The following DARS2 variants were observed in gnomAD, a reference collection of about 807,000 sequenced individuals.
DARS2 encodes aspartyl-tRNA synthetase 2, mitochondrial, also known as aspartate--tRNA ligase, mitochondrial.
A neutral mutation model predicts 83.0 loss-of-function variants in DARS2; 63 were observed. That is an observed-to-expected ratio of 0.76 (90% CI 0.62 to 0.94). The LOEUF (loss-of-function observed/expected upper bound fraction) is 0.94, where lower values mean the gene tolerates loss of function less well. Ranked by LOEUF, DARS2 falls within the 40% of genes least tolerant of loss-of-function variation. The pLI, the probability that DARS2 is intolerant of heterozygous loss-of-function variation, is 0.00. For missense variants in DARS2, 675 were observed against 774.4 expected (o/e 0.87, Z 1.52); for synonymous variants, 250 against 269.3 (o/e 0.93, Z 0.70).
At chr1:173,827,880 A>G (rs1652643602) in intron 2 of DARS2, among the ~76,000 whole-genome samples, 1 of 152,220 alleles carries the variant, frequency 6.6e-6, no homozygotes, top group Non-Finnish European at 1.5e-5. Context: ...GAAAAAGACT[A>G]TATTGCTATA....
chr1:173,857,780 A>G lies in DARS2; in HGVS notation c.*75A>G. On this transcript the variant is annotated 3_prime_UTR_variant, in exon 17 of 17. Transcript: ENST00000649689. ...CTTCCCCAAGGCTAAAGTCAGATCT[A>G]GAGTTCTGCCACAGGTCTAACAATC... is the stretch of plus-strand genomic sequence containing the variant. The G allele has an allele frequency of 1.3e-6, 2 of 1,504,496 alleles. No individual in the cohort carries two copies. The allele number at this position is 1,504,496 out of a possible 1,614,324, so 93.2% of individuals were successfully genotyped here. A position where few individuals can be genotyped will look rare whatever the true frequency, so the allele number is the denominator to read the frequency against.
chr1:173,848,496 A>C (rs1343394098), intron 12 of DARS2, among the ~76,000 whole-genome samples: 1 of 152,250 alleles, frequency 6.6e-6, no homozygotes, highest in Non-Finnish European at 1.5e-5. Flanking sequence ...GTACAACTAA[A>C]GGGCTGAACT....
Position 173,825,218 on chromosome 1 carries a change from T to C in DARS2, c.-12T>C. The C allele has an allele frequency of 6.2e-7, 1 of 1,610,796 alleles. No individual in the cohort carries two copies. Among genetic ancestry groups the C allele is most frequent in the South Asian group, 1.1e-5 (1 of 91,056 alleles). On this transcript the variant is annotated 5_prime_UTR_variant, in exon 1 of 17. Transcript: ENST00000649689. The stretch of plus-strand genomic sequence containing the variant: ...ATTTCGTGATTGTTTTTCGCCATCG[T>C]GTGGCTCCAACATGTACTTCCCTTC...
Position 173,850,470 on chromosome 1 carries a change from CAATAAAGCAGTAAGA to C in DARS2, c.1338_1344+8del, listed in dbSNP as rs1296878813. 1 of 1,613,710 alleles carries C rather than the reference CAATAAAGCAGTAAGA, an allele frequency of 6.2e-7. No homozygotes were observed. Among genetic ancestry groups the C allele is most frequent in the Non-Finnish European group, 8.5e-7 (1 of 1,179,808 alleles). On this transcript the variant is annotated splice_donor_variant and splice_donor_5th_base_variant and coding_sequence_variant and intron_variant, in exon 13 of 17. Transcript: ENST00000649689. LOFTEE classifies it high-confidence loss of function. ...TGGTCCTACTAACTGCTGGAGAGCA[CAATAAAGCAGTAAGA>C]AAAATTACTTCCAAGCATCAGTGCT...
intron 13 of DARS2, 61 bp from the exon 14 acceptor site, chr1:173,853,286 CTG>C (rs1032828253): frequency 8.5e-6 from 13 of 1,520,982 alleles, no homozygotes; most frequent in South Asian, 4.5e-5. Context: ...GGAATCCAGG[CTG>C]TGTCATTTCC....
chr1:173,856,886 A>G, intron 16 of DARS2, 145 bp downstream of exon 16: 1 of 607,432 alleles, frequency 1.6e-6, no homozygotes, highest in Non-Finnish European at 2.9e-6. Flanking sequence ...TCAGTAATAT[A>G]TTTTTTAAAT....
At chr1:173,835,971 T>G (rs1652988812) in intron 7 of DARS2, among the ~76,000 whole-genome samples, 1 of 150,624 alleles carries the variant, frequency 6.6e-6, no homozygotes, top group South Asian at 2.1e-4. Flanking sequence ...ACAGGAGAAT[T>G]GCTTGAACCC....
In DARS2 at chr1:173,857,855, A is replaced by C; in HGVS notation, c.*150A>C. The C allele has an allele frequency of 1.2e-6, 1 of 857,010 alleles. No homozygotes were observed. Among genetic ancestry groups the C allele is most frequent in the South Asian group, 1.5e-5 (1 of 66,278 alleles). 53.1% of individuals were successfully genotyped at this position (857,010 alleles called of 1,614,324 possible). A position where few individuals can be genotyped will look rare whatever the true frequency, so the allele number is the denominator to read the frequency against. The stretch of plus-strand genomic sequence containing the variant: ...GGCAACATTCTTCACCACAACGAAG[A>C]AACAGATAAAAGATACCCAATTTTG... On this transcript the variant is annotated 3_prime_UTR_variant, in exon 17 of 17. Transcript: ENST00000649689.
intron 15 of DARS2, among the ~76,000 whole-genome samples, chr1:173,856,272 C>T (rs566731237): frequency 6.6e-6 from 1 of 152,296 alleles, no homozygotes; most frequent in African/African-American, 2.4e-5. Flanking sequence ...TTAAGTTCTC[C>T]TTCCTCCCGG....
rs577078892 is a variant in DARS2, at chr1:173,853,764, C to A, written c.1564-31C>A. On this transcript the variant is annotated intron_variant, in intron 14 of 16. Transcript: ENST00000649689. ...CGTAGAACAGAAAACCAGACATTTT[C>A]TCTAACATAAAGTATCTGTGAATCT... 71 of 1,594,938 alleles carry A rather than the reference C, an allele frequency of 4.5e-5. No homozygotes were observed. In the South Asian group the frequency reaches 6.9e-4, roughly 16 times the overall value.
At chr1:173,826,507 A>G (rs1308114938) in intron 1 of DARS2, among the ~76,000 whole-genome samples, 180 bp from the exon 2 acceptor site, 2 of 152,214 alleles carry the variant, frequency 1.3e-5, no homozygotes, top group African/African-American at 2.4e-5. Flanking sequence ...ACACATTTGC[A>G]GGTAAATTTA....
chr1:173,837,986 G>A (rs1045811127), intron 8 of DARS2, among the ~76,000 whole-genome samples: 1 of 152,154 alleles, frequency 6.6e-6, no homozygotes, highest in Non-Finnish European at 1.5e-5. Context: ...TGTTGGCCAG[G>A]CTGGTCTTGA....
intron 13 of DARS2, chr1:173,852,097 C>T: frequency 1.0e-6 from 1 of 985,386 alleles, no homozygotes; most frequent in Non-Finnish European, 1.2e-6. Context: ...AGAAACCAGA[C>T]TTTCGAGGAA....
intron 3 of DARS2, among the ~76,000 whole-genome samples, chr1:173,828,774 A>G (rs1652685505): frequency 1.3e-5 from 2 of 152,194 alleles, no homozygotes; most frequent in Admixed American, 6.5e-5. Context: ...AGGGAGTACA[A>G]ATTGGCACTA....
chr1:173,826,864 C>A, intron 2 of DARS2, 78 bp downstream of exon 2: 2 of 1,058,692 alleles, frequency 1.9e-6, no homozygotes, highest in Non-Finnish European at 3.0e-6. Flanking sequence ...TAATTTACAA[C>A]CAGTCCGAAG....
intron 12 of DARS2, among the ~76,000 whole-genome samples, chr1:173,846,042 C>A (rs1240944091): frequency 6.6e-6 from 1 of 152,028 alleles, no homozygotes; most frequent in African/African-American, 2.4e-5. Flanking sequence ...CCTGTAGTCC[C>A]AGCTACTCTG....
Position 173,834,481 on chromosome 1 carries a change from GA to G in DARS2, c.626del (p.Asp209ValfsTer2). On this transcript the variant is annotated frameshift_variant, in exon 7 of 17. Transcript: ENST00000649689. LOFTEE classifies it high-confidence loss of function. ...TGTTTCTCTCTTTTTAGGGTTTGTG[GA>G]TATAGAAACCCCCACATTGTTTAAG... ...EYLCNLHGFV[D>X]IETPTLFKRT... 1 of 1,607,492 alleles carries G rather than the reference GA, an allele frequency of 6.2e-7. No individual in the cohort carries two copies. Among genetic ancestry groups the G allele is most frequent in the East Asian group, 2.2e-5 (1 of 44,710 alleles).
At chr1:173,849,861 CTTTTTT>C (rs10558579) in intron 12 of DARS2, among the ~76,000 whole-genome samples, 1 of 109,962 alleles carries the variant, frequency 9.1e-6, no homozygotes, top group African/African-American at 3.5e-5. Flanking sequence ...GTTGAAATGA[CTTTTTT>C]TTTTTTTTTT....
intron 9 of DARS2, among the ~76,000 whole-genome samples, chr1:173,838,585 G>A (rs886240543): frequency 1.3e-5 from 2 of 151,768 alleles, no homozygotes; most frequent in African/African-American, 2.4e-5. Flanking sequence ...TTCCTAAAGT[G>A]TTCTAATGTT....
Sources: gnomAD v4.1 joint callset for allele counts (sites outside exome capture counted in the v4.1 genomes callset) on GRCh38, gnomAD v4.1.1 for gene constraint, MANE v1.5 for transcripts, NCBI Gene and HGNC (gene_info 2026-07-23, HGNC 2026-07-21) for gene names.